The following PPP4R2 variants were observed in gnomAD, a reference collection of about 807,000 sequenced individuals.
PPP4R2 encodes protein phosphatase 4 regulatory subunit 2, also known as serine/threonine-protein phosphatase 4 regulatory subunit 2.
A neutral mutation model predicts 47.2 loss-of-function variants in PPP4R2; 13 were observed. That is an observed-to-expected ratio of 0.28 (90% CI 0.18 to 0.44). PPP4R2 has a LOEUF of 0.44. PPP4R2 is among the 20% of genes least tolerant of loss of function. The pLI, the probability that PPP4R2 is intolerant of heterozygous loss-of-function variation, is 1.00. For synonymous variants in PPP4R2, 151 were observed against 163.3 expected, an observed-to-expected ratio of 0.92 and a Z score of 0.57; for missense variants, 421 against 491.2, an observed-to-expected ratio of 0.86 and a Z score of 1.35.
intron 3 of PPP4R2, among the ~76,000 whole-genome samples, chr3:73,053,861 A>G (rs927532543): frequency 1.8e-4 from 26 of 142,486 alleles, no homozygotes; most frequent in African/African-American, 4.7e-4. Flanking sequence ...GTGAGCCGAG[A>G]TGGTGCCACT....
At chr3:73,014,935 C>G (rs1268303942) in intron 2 of PPP4R2, 14 of 689,306 alleles carry the variant, frequency 2.0e-5, no homozygotes, top group Non-Finnish European at 3.4e-5. Context: ...AAACCCTGGC[C>G]TCAAGTGATC....
intron 2 of PPP4R2, among the ~76,000 whole-genome samples, chr3:73,026,287 A>G (rs1212030561): frequency 6.6e-6 from 1 of 152,180 alleles, no homozygotes; most frequent in Non-Finnish European, 1.5e-5. Context: ...GACTTTGTAC[A>G]TATTGTTCCC....
intron 2 of PPP4R2, among the ~76,000 whole-genome samples, chr3:73,013,526 A>G (rs1484984642): frequency 6.6e-6 from 1 of 152,104 alleles, no homozygotes; most frequent in East Asian, 1.9e-4. Flanking sequence ...TATTTCTTGT[A>G]TATTCTTAAC....
At chr3:73,020,898 T>C (rs977892895) in intron 2 of PPP4R2, among the ~76,000 whole-genome samples, 1 of 151,786 alleles carries the variant, frequency 6.6e-6, no homozygotes, top group African/African-American at 2.4e-5. Flanking sequence ...CTTATAAGGG[T>C]CCTAATCCGA....
chr3:73,046,471 A>G (rs939378029), intron 2 of PPP4R2, among the ~76,000 whole-genome samples: 1 of 152,232 alleles, frequency 6.6e-6, no homozygotes, highest in African/African-American at 2.4e-5. Flanking sequence ...CTATTCAGGC[A>G]GGTATCCTCA....
intron 2 of PPP4R2, among the ~76,000 whole-genome samples, chr3:73,022,318 A>G (rs1465505692): frequency 6.9e-6 from 1 of 144,894 alleles, no homozygotes; most frequent in Non-Finnish European, 1.6e-5. Flanking sequence ...TTAAGAGAGT[A>G]ATTTTTTTCA....
rs540887551 is a variant in PPP4R2, at chr3:73,058,874, T to C, written c.288-163T>C. Among the ~76,000 whole-genome samples, 3 of 151,730 alleles carry C rather than the reference T, an allele frequency of 2.0e-5. No individual in the cohort carries two copies. In the East Asian group the frequency reaches 5.8e-4, roughly 29 times the overall value. On this transcript the variant is annotated intron_variant, in intron 3 of 8. Coordinates refer to ENST00000356692, the MANE Select transcript of PPP4R2 (RefSeq NM_174907.4). ...ATAGAAAGGTATGCTTATTTTATTG[T>C]CTTTTTTTAAATGACTCATCCATTT...
chr3:73,060,306 C>T (rs539561360), intron 4 of PPP4R2, among the ~76,000 whole-genome samples: 2 of 152,302 alleles, frequency 1.3e-5, no homozygotes, highest in African/African-American at 4.8e-5. Context: ...TACTTTTCAG[C>T]TCCAGGAGTT....
intron 2 of PPP4R2, among the ~76,000 whole-genome samples, chr3:73,044,915 T>A (rs1275833688): frequency 1.3e-5 from 2 of 152,226 alleles, no homozygotes; most frequent in Admixed American, 1.3e-4. Flanking sequence ...TTCTGCTCTG[T>A]TGATAGTGTC....
At chr3:73,006,123 T>G (rs535205488) in intron 2 of PPP4R2, among the ~76,000 whole-genome samples, 4 of 152,182 alleles carry the variant, frequency 2.6e-5, no homozygotes, top group South Asian at 2.1e-4. Context: ...TTCTTTGGCT[T>G]CTTCTATTCA....
intron 3 of PPP4R2, among the ~76,000 whole-genome samples, chr3:73,048,934 A>T (rs1286630767): frequency 6.6e-6 from 1 of 152,138 alleles, no homozygotes; most frequent in Non-Finnish European, 1.5e-5. Context: ...GTGGGGGAGA[A>T]ATCATAGCTT....
At chr3:73,020,672 T>TTA (rs59905202) in intron 2 of PPP4R2, among the ~76,000 whole-genome samples, 38 of 133,222 alleles carry the variant, frequency 2.9e-4, no homozygotes, top group African/African-American at 7.6e-4. Flanking sequence ...CCTGTCTCTT[T>TTA]AAAAAAAAAA....
intron 2 of PPP4R2, among the ~76,000 whole-genome samples, chr3:73,001,533 C>T (rs75078639): frequency 1.3e-5 from 2 of 152,350 alleles, no homozygotes; most frequent in South Asian, 2.1e-4. Context: ...GTGATTGTGC[C>T]ACAGCACTCC....
In PPP4R2 at chr3:73,065,596, C is replaced by T. The variant is rs368905796; in HGVS notation, c.1128C>T (p.Asp376=). The change falls in exon 9 of 9, where the codon GAC becomes GAT. Residue 376 remains aspartate, a synonymous_variant. Coordinates refer to ENST00000356692, the MANE Select transcript of PPP4R2 (RefSeq NM_174907.4). ...GCCCTGTAAGTAGTAGTTCTTCTGACTGCCGTGAAACAGAAGAATTAGTAG... is the reference window on the plus strand; with the variant it reads ...GCCCTGTAAGTAGTAGTTCTTCTGATTGCCGTGAAACAGAAGAATTAGTAG... ...NEGPVSSSSS[D]CRETEELVGS... 240 of 1,613,318 alleles carry T rather than the reference C, an allele frequency of 1.5e-4. No homozygotes were observed. The highest frequency in any genetic ancestry group is 1.9e-4 in the Non-Finnish European group (223 of 1,179,496).
intron 2 of PPP4R2, among the ~76,000 whole-genome samples, chr3:73,010,956 C>G (rs1417828215): frequency 6.6e-6 from 1 of 152,156 alleles, no homozygotes; most frequent in Non-Finnish European, 1.5e-5. Context: ...TGAAGTAGGT[C>G]TTTCTCTTTT....
chr3:73,025,673 A>T (rs777219489), intron 2 of PPP4R2, among the ~76,000 whole-genome samples: 25 of 152,244 alleles, frequency 1.6e-4, no homozygotes, highest in Non-Finnish European at 3.4e-4. Flanking sequence ...GCAAAGGAAT[A>T]GTAAAGTTCA....
rs548396302 is a variant in PPP4R2, at chr3:73,068,955, T to A, written c.*3233T>A. 6.6e-6 allele frequency: 1 copy of A among 152,218 alleles called. No homozygotes were observed. Among genetic ancestry groups the A allele is most frequent in the South Asian group, 2.1e-4 (1 of 4,828 alleles). 9.4% of individuals were successfully genotyped at this position (152,218 alleles called of 1,614,324 possible). On this transcript the variant is annotated 3_prime_UTR_variant, in exon 9 of 9. Coordinates refer to ENST00000356692, the MANE Select transcript of PPP4R2 (RefSeq NM_174907.4). ...GAAGGTGAGGGTCAGTTCTCAAGAT[T>A]TGTGCTAATCATAAAATGAATGAAT...
intron 2 of PPP4R2, among the ~76,000 whole-genome samples, chr3:73,041,653 G>A (rs895077114): frequency 6.6e-6 from 1 of 152,340 alleles, no homozygotes; most frequent in South Asian, 2.1e-4. Flanking sequence ...GCTAATAGTA[G>A]TAGGACTCTC....
chr3:73,063,259 G>A, intron 5 of PPP4R2: 1 of 293,792 alleles, frequency 3.4e-6, no homozygotes. Flanking sequence ...TCTTGAGGGG[G>A]GAGTGTTGGG....
Sources: gnomAD v4.1 joint callset for allele counts (sites outside exome capture counted in the v4.1 genomes callset) on GRCh38, gnomAD v4.1.1 for gene constraint, MANE v1.5 for transcripts, NCBI Gene and HGNC (gene_info 2026-07-23, HGNC 2026-07-21) for gene names.